Variants in TTC7A observed in about 807,000 individuals in gnomAD.
TTC7A encodes tetratricopeptide repeat protein 7A.
TTC7A carries 110 observed loss-of-function variants against 103.7 expected under a neutral mutation model. The observed-to-expected ratio is 1.06, with a 90% CI of 0.91 to 1.24. TTC7A has a LOEUF of 1.24. TTC7A is among the 50% of genes most tolerant of loss of function. The pLI is 0.00. For synonymous variants in TTC7A, 521 were observed against 467.9 expected (o/e 1.11, Z -1.47); for missense variants, 1,340 against 1,116.3 (o/e 1.20, Z -2.86).
At chr2:46,994,244 G>A in intron 6 of TTC7A, 113 bp from the exon 7 acceptor site, 3 of 1,321,554 alleles carry the variant, frequency 2.3e-6, no homozygotes, top group Non-Finnish European at 3.1e-6. Flanking sequence ...TACCCAAAGG[G>A]CCGCACATTG....
intron 3 of TTC7A, chr2:46,974,673 C>T (rs1483552022): frequency 2.0e-6 from 1 of 507,428 alleles, no homozygotes; most frequent in Non-Finnish European, 3.8e-6. Flanking sequence ...ACCTCATTCT[C>T]TTTCGCTTAG....
intron 18 of TTC7A, chr2:47,054,152 T>A (rs1480254014): frequency 2.0e-6 from 2 of 985,402 alleles, no homozygotes; most frequent in Non-Finnish European, 2.4e-6. Context: ...TGGCGCTGCA[T>A]CAGGGTCAGG....
rs143365344 is a variant in TTC7A at position 47,051,727 on chromosome 2, G to T, written c.2018-19G>T. On this transcript the variant is annotated intron_variant, in intron 17 of 19. Transcript: ENST00000319190. ...TGGACCTCTGACCACTGCTCGGCTC[G>T]TGCCCTCTTGCTCTGCAGGCTCCCG... 6.4e-4 allele frequency: 1,023 copies of T among 1,603,258 alleles called. 3 individuals carry two copies. In the African/African-American group the frequency reaches 0.012, roughly 18 times the overall value.
At chr2:46,916,036 A>AG (rs907400103), upstream of TTC7A, 21 of 985,270 alleles carry the variant, frequency 2.1e-5, no homozygotes, top group East Asian at 3.4e-4. Context: ...TGGACGCCCT[A>AG]GGGGCCCGGC....
At chr2:47,021,153 A>C (rs1679236933) in intron 11 of TTC7A, among the ~76,000 whole-genome samples, 1 of 152,116 alleles carries the variant, frequency 6.6e-6, no homozygotes, top group South Asian at 2.1e-4. Context: ...CAGGCATGCC[A>C]TTTCCTGGGT....
intron 8 of TTC7A, chr2:46,999,330 G>A (rs56274518): frequency 0.32 from 59,765 of 185,410 alleles, 10,509 homozygotes; most frequent in African/African-American, 0.48. Context: ...CCATTCATCT[G>A]TCCACCTATT....
intron 2 of TTC7A, among the ~76,000 whole-genome samples, chr2:46,925,521 G>A (rs1669343260): frequency 6.6e-6 from 1 of 152,032 alleles, no homozygotes; most frequent in African/African-American, 2.4e-5. Context: ...TTACACCACT[G>A]CACTCCAGCC....
chr2:47,064,024 T>A (rs1038076906), intron 19 of TTC7A, among the ~76,000 whole-genome samples: 2 of 152,214 alleles, frequency 1.3e-5, no homozygotes, highest in South Asian at 4.1e-4. Flanking sequence ...ACTCTCCCTG[T>A]CCCCCTGTCG....
At chr2:47,022,054 C>A in intron 12 of TTC7A, 75 bp downstream of exon 12, 1 of 1,053,638 alleles carries the variant, frequency 9.5e-7, no homozygotes, top group Non-Finnish European at 1.4e-6. Flanking sequence ...GCATCTTGTC[C>A]TACCGGCACC....
intron 3 of TTC7A, among the ~76,000 whole-genome samples, chr2:46,968,090 G>A (rs529363898): frequency 6.6e-6 from 1 of 152,340 alleles, no homozygotes; most frequent in East Asian, 1.9e-4. Context: ...CAAGGGTGGG[G>A]CTTCTTGGAA....
At chr2:46,960,821 G>C (rs1010760048) in intron 3 of TTC7A, among the ~76,000 whole-genome samples, 4 of 150,994 alleles carry the variant, frequency 2.6e-5, no homozygotes, top group African/African-American at 9.8e-5. Flanking sequence ...ACCAGAGGGT[G>C]CTGGGAGGCA....
At chr2:46,996,969 GTTGTT>G (rs59721747) in intron 8 of TTC7A, among the ~76,000 whole-genome samples, 25,188 of 151,616 alleles carry the variant, frequency 0.17, 2,285 homozygotes, top group Admixed American at 0.19. Context: ...TGTGGTGGTT[GTTGTT>G]GTTGTTGTTG....
At chr2:46,916,466 T>G (rs1367755173) in exon 1 of TTC7A, 1 of 152,418 alleles carries the variant, frequency 6.6e-6, no homozygotes, top group Admixed American at 6.5e-5. Flanking sequence ...GACAGATTAC[T>G]TAAAAACAGA....
At chr2:46,943,968 G>A (rs149574406) in intron 1 of TTC7A, among the ~76,000 whole-genome samples, 2,658 of 152,296 alleles carry the variant, frequency 0.017, 26 homozygotes, top group South Asian at 0.03. Context: ...CTGATCTGGA[G>A]GGATGAAAGA....
chr2:46,965,736 T>G (rs1672779260), intron 3 of TTC7A, among the ~76,000 whole-genome samples: 1 of 152,064 alleles, frequency 6.6e-6, no homozygotes, highest in African/African-American at 2.4e-5. Context: ...TAATTTTTTG[T>G]ATTTTCAGTA....
intron 4 of TTC7A, among the ~76,000 whole-genome samples, chr2:46,976,431 G>C (rs1485676225): frequency 1.3e-5 from 2 of 152,236 alleles, no homozygotes; most frequent in African/African-American, 4.8e-5. Flanking sequence ...AGGTTCTAGA[G>C]CAGCATAGAT....
intron 11 of TTC7A, 144 bp downstream of exon 11, chr2:47,011,579 G>T (rs1678058669): frequency 1.5e-6 from 1 of 649,868 alleles, no homozygotes; most frequent in East Asian, 2.9e-5. Context: ...CCTGGGCAGG[G>T]AGAAAGTCTC....
At chr2:47,005,540 A>G (rs1677284757) in intron 8 of TTC7A, among the ~76,000 whole-genome samples, 1 of 152,200 alleles carries the variant, frequency 6.6e-6, no homozygotes, top group Non-Finnish European at 1.5e-5. Flanking sequence ...CCTGAATACA[A>G]GGTATGATCC....
chr2:46,999,782 T>C (rs1156708475), intron 8 of TTC7A: 1 of 985,340 alleles, frequency 1.0e-6, no homozygotes, highest in African/African-American at 1.7e-5. Context: ...TAAAAATATG[T>C]GCTAAAGTAA....
Sources: allele counts gnomAD v4.1 joint callset (sites outside exome capture counted in the v4.1 genomes callset), GRCh38; gene constraint gnomAD v4.1.1; transcripts MANE v1.5; gene names NCBI Gene and HGNC (gene_info 2026-07-23, HGNC 2026-07-21).